The following TIAM1 variants were observed in gnomAD, a reference collection of about 807,000 sequenced individuals.
TIAM1 encodes rho guanine nucleotide exchange factor TIAM1.
A neutral mutation model predicts 163.5 loss-of-function variants in TIAM1; 65 were observed. The observed-to-expected ratio is 0.40, with a 90% CI of 0.33 to 0.49. TIAM1 has a LOEUF of 0.49. Among genes scored for constraint, TIAM1 ranks in the 20% least tolerant of loss-of-function variants. The pLI is 0.77. For synonymous variants in TIAM1, 833 were observed against 810.1 expected (o/e 1.03, Z -0.48); for missense variants, 1,789 against 2,044.7 (o/e 0.87, Z 2.41).
intron 2 of TIAM1, among the ~76,000 whole-genome samples, chr21:31,332,978 A>C (rs1280267626): frequency 6.6e-6 from 1 of 151,464 alleles, no homozygotes; most frequent in South Asian, 2.1e-4. Context: ...GTATGACTGC[A>C]GTCCCAGCCA....
chr21:31,199,022 A>G (rs1275577226), intron 12 of TIAM1, among the ~76,000 whole-genome samples: 1 of 152,262 alleles, frequency 6.6e-6, no homozygotes, highest in Non-Finnish European at 1.5e-5. Context: ...ACATAAATGC[A>G]CTTAATGATG....
chr21:31,222,666 T>C (rs1483446208), intron 8 of TIAM1, among the ~76,000 whole-genome samples: 3 of 133,094 alleles, frequency 2.3e-5, no homozygotes, highest in African/African-American at 8.6e-5. Flanking sequence ...TATACATACA[T>C]GTACACATAC....
rs142109125 is a variant in TIAM1 at position 31,505,360 on chromosome 21, T to C, written c.-421-41325A>G. On this transcript the variant is annotated intron_variant, in intron 1 of 28. Coordinates refer to the TIAM1 transcript ENST00000286827. ...ACCAAGAAGTATAAATGTTAAAAGATATGAAAGGTCAAGGAAATTTTAAAA... is the reference window on the plus strand; with the variant it reads ...ACCAAGAAGTATAAATGTTAAAAGACATGAAAGGTCAAGGAAATTTTAAAA... Among the ~76,000 whole-genome samples, 1,151 of 152,082 alleles carry C rather than the reference T, an allele frequency of 7.6e-3. 11 individuals are homozygous for C. Among genetic ancestry groups the C allele is most frequent in the Non-Finnish European group, 0.011 (747 of 67,994 alleles).
chr21:31,316,225 A>G (rs2075119608), intron 2 of TIAM1, among the ~76,000 whole-genome samples: 1 of 152,206 alleles, frequency 6.6e-6, no homozygotes, highest in Non-Finnish European at 1.5e-5. Context: ...ACAAAATTGA[A>G]GATTGTCACC....
At chr21:31,545,188 C>T (rs1219483120) in intron 1 of TIAM1, among the ~76,000 whole-genome samples, 1 of 151,418 alleles carries the variant, frequency 6.6e-6, no homozygotes, top group Non-Finnish European at 1.5e-5. Context: ...TGGAAACAGA[C>T]ACACAGACAC....
At chr21:31,493,823 A>T (rs1038780963) in intron 1 of TIAM1, among the ~76,000 whole-genome samples, 4 of 152,158 alleles carry the variant, frequency 2.6e-5, no homozygotes, top group Non-Finnish European at 5.9e-5. Context: ...GGAATGTATA[A>T]CCACAGCTGG....
intron 6 of TIAM1, among the ~76,000 whole-genome samples, chr21:31,242,181 T>C (rs1394215802): frequency 1.3e-5 from 2 of 152,202 alleles, no homozygotes; most frequent in East Asian, 1.9e-4. Context: ...ATGAGGCTAA[T>C]ATCACATTAA....
At chr21:31,506,175 G>A (rs1423068884) in intron 1 of TIAM1, among the ~76,000 whole-genome samples, 1 of 151,440 alleles carries the variant, frequency 6.6e-6, no homozygotes, top group Non-Finnish European at 1.5e-5. Flanking sequence ...CAGGAAATCA[G>A]CCACCTACAC....
chr21:31,318,649 C>T (rs1360815561), intron 2 of TIAM1, among the ~76,000 whole-genome samples: 1 of 152,144 alleles, frequency 6.6e-6, no homozygotes, highest in African/African-American at 2.4e-5. Context: ...GTAAAGCCAA[C>T]AAAATTTACT....
chr21:31,439,292 G>A (rs1441162560), intron 2 of TIAM1, among the ~76,000 whole-genome samples: 1 of 152,146 alleles, frequency 6.6e-6, no homozygotes, highest in East Asian at 1.9e-4. Context: ...CTTTGTTTTT[G>A]TTCGTCTGTT....
intron 2 of TIAM1, among the ~76,000 whole-genome samples, chr21:31,296,147 T>A (rs930661221): frequency 6.6e-6 from 1 of 152,194 alleles, no homozygotes; most frequent in African/African-American, 2.4e-5. Context: ...GAAAATAGTA[T>A]GATCATTTTG....
At position 31,288,717 on chromosome 21, in the gene TIAM1, A is replaced by T. The variant is rs2146905480; in HGVS notation, c.-188-11809T>A. Among the ~76,000 whole-genome samples the T allele has an allele frequency of 1.3e-5, 2 of 152,354 alleles. 1 individual carries two copies. Among genetic ancestry groups the T allele is most frequent in the South Asian group, 4.1e-4 (2 of 4,828 alleles). On this transcript the variant is annotated intron_variant, in intron 2 of 27. Transcript: ENST00000541036. ...AATGCAGATTTATGGAACTTAAAAC[A>T]CACACAAAAACAAAACCAAACCCTC... is the stretch of plus-strand genomic sequence containing the variant.
chr21:31,467,811 C>T (rs921415900), intron 1 of TIAM1, among the ~76,000 whole-genome samples: 3 of 151,884 alleles, frequency 2.0e-5, no homozygotes, highest in African/African-American at 7.3e-5. Context: ...AGGCCAGGTG[C>T]GGCAGCTCAT....
At chr21:31,124,480 TG>T in intron 27 of TIAM1, 41 bp downstream of exon 27, 1 of 1,608,034 alleles carries the variant, frequency 6.2e-7, no homozygotes, top group South Asian at 1.1e-5. Flanking sequence ...TACTGCGGAG[TG>T]GGGGTGACGG....
chr21:31,207,539 T>C (rs2086516914), intron 11 of TIAM1, among the ~76,000 whole-genome samples: 1 of 152,182 alleles, frequency 6.6e-6, no homozygotes, highest in Admixed American at 6.5e-5. Flanking sequence ...GTTAATAACA[T>C]GGGACACTGT....
chr21:31,261,664 G>C (rs745583853), intron 4 of TIAM1, among the ~76,000 whole-genome samples: 1 of 152,180 alleles, frequency 6.6e-6, no homozygotes, highest in Non-Finnish European at 1.5e-5. Flanking sequence ...AGTGAGCTGA[G>C]ACCGTGCCAC....
intron 2 of TIAM1, among the ~76,000 whole-genome samples, chr21:31,286,086 G>A (rs974974264): frequency 2.0e-5 from 3 of 152,164 alleles, no homozygotes; most frequent in African/African-American, 4.8e-5. Context: ...GTTTCCATAT[G>A]TAAAAAGTGA....
At chr21:31,267,435 C>T (rs564541727) in intron 3 of TIAM1, among the ~76,000 whole-genome samples, 9 of 151,964 alleles carry the variant, frequency 5.9e-5, no homozygotes, top group Non-Finnish European at 1.3e-4. Flanking sequence ...TGAAATGATA[C>T]ACATATTTCA....
chr21:31,333,648 C>T (rs845947), intron 2 of TIAM1, among the ~76,000 whole-genome samples: 25,559 of 152,170 alleles, frequency 0.17, 2,281 homozygotes, highest in African/African-American at 0.19. Flanking sequence ...CTTTATTGCC[C>T]AGGCTGGTCT....
Sources: allele counts gnomAD v4.1 joint callset (sites outside exome capture counted in the v4.1 genomes callset), GRCh38; gene constraint gnomAD v4.1.1; transcripts MANE v1.5; gene names NCBI Gene and HGNC (gene_info 2026-07-23, HGNC 2026-07-21).